The following MOSMO variants were observed in gnomAD, a reference collection of about 807,000 sequenced individuals.
The protein encoded by MOSMO is modulator of smoothened protein.
MOSMO carries 5 observed loss-of-function variants against 18.4 expected under a neutral mutation model. That is an observed-to-expected ratio of 0.27 (90% CI 0.14 to 0.57). The LOEUF (loss-of-function observed/expected upper bound fraction) is 0.57. MOSMO is among the 20% of genes least tolerant of loss of function. The pLI is 0.92. For synonymous variants in MOSMO, 82 were observed against 82.3 expected (o/e 1.00, Z 0.02); for missense variants, 138 against 211.8 (o/e 0.65, Z 2.16).
At chr16:22,058,421 G>A (rs1225269084) in intron 1 of MOSMO, among the ~76,000 whole-genome samples, 12 of 139,184 alleles carry the variant, frequency 8.6e-5, no homozygotes, top group African/African-American at 2.1e-4. Flanking sequence ...GCGAGACTCC[G>A]TCTCAAAAAA....
rs1453993705 is a variant in MOSMO, at chr16:22,084,237, T to C, written c.*3357T>C. 6.6e-6 allele frequency: 1 copy of C among 152,486 alleles called. No individual in the cohort carries two copies. The highest frequency in any genetic ancestry group is 1.9e-4 in the East Asian group (1 of 5,212). 9.4% of individuals were successfully genotyped at this position (152,486 alleles called of 1,614,324 possible). On this transcript the variant is annotated 3_prime_UTR_variant, in exon 3 of 3. Transcript: ENST00000542527. ...TGGGAAGAACATGTTGCATTTATTT[T>C]GTCTTTATTAAAAGACTACTAGCCA... is the stretch of plus-strand genomic sequence containing the variant.
intron 1 of MOSMO, among the ~76,000 whole-genome samples, chr16:22,026,506 A>G (rs1469596612): frequency 3.3e-5 from 5 of 152,152 alleles, no homozygotes; most frequent in Non-Finnish European, 7.3e-5. Flanking sequence ...GGCATGAGCC[A>G]CCGCGCCCAG....
At position 22,044,556 on chromosome 16, in the gene MOSMO, C is replaced by G. The variant is rs186844906; in HGVS notation, c.107-30931C>G. Reference sequence around the variant, plus strand: ...GGATTTTTGGATTGGGGATGCTCAACCGTAAGTATAATTAATGCAGATATT... The same window carrying G: ...GGATTTTTGGATTGGGGATGCTCAAGCGTAAGTATAATTAATGCAGATATT... On this transcript the variant is annotated intron_variant, in intron 1 of 2. Coordinates refer to ENST00000542527, the MANE Select transcript of MOSMO (RefSeq NM_001164579.2). Among the ~76,000 whole-genome samples the G allele has an allele frequency of 1.2e-4, 19 of 152,166 alleles. No homozygotes were observed. In the East Asian group the frequency reaches 2.1e-3, roughly 17 times the overall value.
intron 1 of MOSMO, among the ~76,000 whole-genome samples, chr16:22,055,391 A>G (rs1900512552): frequency 6.6e-6 from 1 of 152,192 alleles, no homozygotes; most frequent in South Asian, 2.1e-4. Context: ...TTATCTCCCA[A>G]TGACAGGACG....
chr16:22,073,464 A>C (rs1900900145), intron 1 of MOSMO, among the ~76,000 whole-genome samples: 1 of 152,090 alleles, frequency 6.6e-6, no homozygotes, highest in Non-Finnish European at 1.5e-5. Context: ...TTTCCTGTTA[A>C]GAGTTCTCGA....
intron 1 of MOSMO, among the ~76,000 whole-genome samples, chr16:22,064,814 C>A (rs1431283570): frequency 6.6e-6 from 1 of 152,076 alleles, no homozygotes; most frequent in Non-Finnish European, 1.5e-5. Context: ...AAGGTTCTCA[C>A]CCCCTCTCCC....
At chr16:22,045,377 T>C (rs145456570) in intron 1 of MOSMO, among the ~76,000 whole-genome samples, 2 of 152,258 alleles carry the variant, frequency 1.3e-5, no homozygotes, top group African/African-American at 4.8e-5. Flanking sequence ...AAGGCAGCGC[T>C]GGGGCTAGAG....
downstream of MOSMO, among the ~76,000 whole-genome samples, chr16:22,088,664 A>T (rs528295917): frequency 1.1e-3 from 170 of 152,312 alleles, no homozygotes; most frequent in African/African-American, 3.9e-3. Flanking sequence ...GCTTTCCCAT[A>T]TGTCATCTTA....
chr16:22,018,401 A>T (rs1899684834), intron 1 of MOSMO, among the ~76,000 whole-genome samples: 1 of 152,220 alleles, frequency 6.6e-6, no homozygotes, highest in South Asian at 2.1e-4. Flanking sequence ...AGTTCTGCTG[A>T]CCAGGCCACT....
In MOSMO at chr16:22,027,111, T is replaced by C. The variant is rs191309555; in HGVS notation, c.106+18704T>C. ...AATATAATTTTAAAAGGAAGTAAGG[T>C]GGGCAATCAGATTAATTTGAAAAAG... On this transcript the variant is annotated intron_variant, in intron 1 of 2. Transcript: ENST00000542527. Among the ~76,000 whole-genome samples, 4 of 152,264 alleles carry C rather than the reference T, an allele frequency of 2.6e-5. No individual in the cohort carries two copies. In the East Asian group the frequency reaches 7.7e-4, roughly 29 times the overall value.
intron 1 of MOSMO, among the ~76,000 whole-genome samples, chr16:22,048,873 G>T (rs936007446): frequency 4.0e-5 from 6 of 151,682 alleles, no homozygotes; most frequent in African/African-American, 1.5e-4. Context: ...ATTTATTTTT[G>T]TTCATAATTT....
intron 1 of MOSMO, among the ~76,000 whole-genome samples, chr16:22,049,356 G>A (rs1013794052): frequency 2.0e-5 from 3 of 152,046 alleles, no homozygotes; most frequent in South Asian, 2.1e-4. Context: ...GGTGGTATGC[G>A]CCACCATGCC....
At chr16:22,040,960 T>C (rs1567506042) in intron 1 of MOSMO, among the ~76,000 whole-genome samples, 1 of 151,874 alleles carries the variant, frequency 6.6e-6, no homozygotes, top group East Asian at 1.9e-4. Flanking sequence ...TGAGACTCTA[T>C]CTCCAAAAAA....
chr16:22,009,200 A>G (rs1899464204), intron 1 of MOSMO, among the ~76,000 whole-genome samples: 1 of 152,200 alleles, frequency 6.6e-6, no homozygotes, highest in Non-Finnish European at 1.5e-5. Flanking sequence ...ACTACTAATA[A>G]TAAACCTCAT....
intron 1 of MOSMO, among the ~76,000 whole-genome samples, chr16:22,038,686 A>T (rs1017945603): frequency 5.3e-5 from 8 of 152,180 alleles, no homozygotes; most frequent in Admixed American, 2.6e-4. Flanking sequence ...TATATATTTT[A>T]AAAATGGTTG....
downstream of MOSMO, among the ~76,000 whole-genome samples, chr16:22,091,808 A>C (rs1372559265): frequency 6.6e-6 from 1 of 152,242 alleles, no homozygotes; most frequent in Admixed American, 6.5e-5. Flanking sequence ...TTAGCGACTT[A>C]CAAGTTGGTT....
Position 22,074,180 on chromosome 16 carries a change from A to G in MOSMO, c.107-1307A>G, listed in dbSNP as rs144649814. 9.0e-4 allele frequency among the ~76,000 whole-genome samples: 137 copies of G among 152,344 alleles called. 3 individuals are homozygous for G. The East Asian group carries it at 0.023, about 26-fold the overall frequency. On this transcript the variant is annotated intron_variant, in intron 1 of 2. Transcript: ENST00000542527. The stretch of plus-strand genomic sequence containing the variant: ...CAGGGCAGCTTCCCAAAATGCCACT[A>G]GGAATTTCACCAGTTCCCTTCACAG...
intron 1 of MOSMO, among the ~76,000 whole-genome samples, chr16:22,065,036 C>T (rs780034365): frequency 1.8e-4 from 27 of 152,182 alleles, no homozygotes; most frequent in Non-Finnish European, 3.8e-4. Context: ...GCATGTTGTA[C>T]TTGTCAATAA....
At chr16:22,021,899 G>A (rs568012282) in intron 1 of MOSMO, among the ~76,000 whole-genome samples, 22 of 152,128 alleles carry the variant, frequency 1.4e-4, no homozygotes, top group South Asian at 1.0e-3. Flanking sequence ...TCTTGGCCTC[G>A]GAGCTATAGC....
Sources: gnomAD v4.1 joint callset for allele counts (sites outside exome capture counted in the v4.1 genomes callset) on GRCh38, gnomAD v4.1.1 for gene constraint, MANE v1.5 for transcripts, NCBI Gene and HGNC (gene_info 2026-07-23, HGNC 2026-07-21) for gene names.